Variants in GALNT13 observed in about 807,000 individuals in gnomAD.
GALNT13 encodes polypeptide N-acetylgalactosaminyltransferase 13.
A neutral mutation model predicts 64.2 loss-of-function variants in GALNT13; 28 were observed. The ratio of observed to expected loss-of-function variants is 0.44; its 90% confidence interval spans 0.32 to 0.60. GALNT13 has a LOEUF of 0.60. Among genes scored for constraint, GALNT13 ranks in the 20% least tolerant of loss-of-function variants. GALNT13 has a pLI of 0.05. For missense variants in GALNT13, 577 were observed against 669.8 expected (o/e 0.86, Z 1.53); for synonymous variants, 214 against 224.6 (o/e 0.95, Z 0.42).
intron 9 of GALNT13, among the ~76,000 whole-genome samples, chr2:154,373,281 T>G (rs2105315469): frequency 6.6e-6 from 1 of 152,242 alleles, no homozygotes; most frequent in East Asian, 1.9e-4. Context: ...AGTAACCAAA[T>G]TAAGTATAAG....
intron 7 of GALNT13, 123 bp from the exon 8 acceptor site, chr2:154,258,898 T>C (rs559047024): frequency 1.7e-6 from 1 of 585,784 alleles, no homozygotes; most frequent in East Asian, 3.1e-5. Context: ...ACCTTGACTT[T>C]GTGTTTTTAG....
chr2:153,567,206 T>C, the GALNT13 span, among the ~76,000 whole-genome samples: 2 of 152,190 alleles, frequency 1.3e-5, no homozygotes, highest in Non-Finnish European at 2.9e-5. Context: ...AAAAAATATA[T>C]ATTCTGTTCT....
At chr2:153,954,977 G>A (rs1234066362) in intron 3 of GALNT13, among the ~76,000 whole-genome samples, 2 of 151,792 alleles carry the variant, frequency 1.3e-5, no homozygotes, top group Non-Finnish European at 2.9e-5. Flanking sequence ...GAAAGAGGTG[G>A]CCACTGACTT....
the GALNT13 span, among the ~76,000 whole-genome samples, chr2:153,372,569 C>A: frequency 6.6e-6 from 1 of 151,784 alleles, no homozygotes; most frequent in Non-Finnish European, 1.5e-5. Context: ...TCACTTGAAC[C>A]AGGGGGGCAG....
intron 2 of GALNT13, among the ~76,000 whole-genome samples, chr2:153,907,060 G>A (rs992620861): frequency 6.6e-6 from 1 of 152,080 alleles, no homozygotes; most frequent in Non-Finnish European, 1.5e-5. Flanking sequence ...AGAAGTGTCT[G>A]TTCATATCCT....
intron 3 of GALNT13, among the ~76,000 whole-genome samples, chr2:154,021,481 C>CTCATGATT (rs1697487615): frequency 6.6e-6 from 1 of 152,160 alleles, no homozygotes; most frequent in Non-Finnish European, 1.5e-5. Flanking sequence ...TGGGAATTCA[C>CTCATGATT]TCATGATTTG....
At chr2:153,937,596 C>T (rs954744006) in intron 2 of GALNT13, among the ~76,000 whole-genome samples, 1 of 152,118 alleles carries the variant, frequency 6.6e-6, no homozygotes, top group Non-Finnish European at 1.5e-5. Context: ...GCATTGTATA[C>T]TTTAAATGAG....
intron 3 of GALNT13, among the ~76,000 whole-genome samples, chr2:154,069,681 ATAGT>A (rs1700644810): frequency 6.6e-6 from 1 of 152,090 alleles, no homozygotes; most frequent in Admixed American, 6.6e-5. Flanking sequence ...TAAAATTAGA[ATAGT>A]TAAATGACTA....
chr2:153,731,060 T>TTA, the GALNT13 span, among the ~76,000 whole-genome samples: 81 of 151,028 alleles, frequency 5.4e-4, no homozygotes, highest in Middle Eastern at 3.4e-3. Flanking sequence ...AAATAAACTA[T>TTA]TATATATATA....
At chr2:154,109,083 A>C (rs1201984464) in intron 3 of GALNT13, among the ~76,000 whole-genome samples, 1 of 152,126 alleles carries the variant, frequency 6.6e-6, no homozygotes, top group African/African-American at 2.4e-5. Flanking sequence ...ATATGATATT[A>C]GAATTTTGAT....
At chr2:154,175,670 A>T (rs902114091) in intron 4 of GALNT13, among the ~76,000 whole-genome samples, 6 of 152,166 alleles carry the variant, frequency 3.9e-5, no homozygotes, top group Non-Finnish European at 5.9e-5. Context: ...AATACCAAAA[A>T]ATATATATAT....
chr2:154,187,251 C>A (rs926624907), intron 4 of GALNT13, among the ~76,000 whole-genome samples: 2 of 151,934 alleles, frequency 1.3e-5, no homozygotes, highest in African/African-American at 4.8e-5. Flanking sequence ...ATGTTTTAGA[C>A]ACATAAATGC....
the GALNT13 span, among the ~76,000 whole-genome samples, chr2:153,623,160 G>A: frequency 6.6e-6 from 1 of 152,060 alleles, no homozygotes; most frequent in African/African-American, 2.4e-5. Flanking sequence ...TATGATATGA[G>A]TGAGTGGTTT....
intron 3 of GALNT13, among the ~76,000 whole-genome samples, chr2:154,046,822 A>G (rs1699314789): frequency 6.6e-6 from 1 of 152,148 alleles, no homozygotes; most frequent in Non-Finnish European, 1.5e-5. Flanking sequence ...GGCCTTCTGC[A>G]AGCCAATGAG....
the GALNT13 span, among the ~76,000 whole-genome samples, chr2:153,489,382 C>A: frequency 2.0e-4 from 31 of 152,172 alleles, no homozygotes; most frequent in Non-Finnish European, 4.3e-4. Context: ...ATTATAGTAG[C>A]ACAAAAGAGA....
At chr2:153,751,764 T>C in the GALNT13 span, among the ~76,000 whole-genome samples, 1 of 151,922 alleles carries the variant, frequency 6.6e-6, no homozygotes, top group Non-Finnish European at 1.5e-5. Context: ...CAATGGGTCT[T>C]GTTTTTTTTT....
chr2:154,116,715 A>G (rs7564373), intron 3 of GALNT13, among the ~76,000 whole-genome samples: 44,106 of 152,026 alleles, frequency 0.29, 6,721 homozygotes, highest in Non-Finnish European at 0.32. Flanking sequence ...AGTGTTCTCC[A>G]TACTATTAGA....
chr2:153,601,632 G>A, the GALNT13 span, among the ~76,000 whole-genome samples: 1 of 151,398 alleles, frequency 6.6e-6, no homozygotes, highest in African/African-American at 2.4e-5. Flanking sequence ...GGTTATAAAT[G>A]AAATGAAAGC....
chr2:153,089,587 CT>C, the GALNT13 span, among the ~76,000 whole-genome samples: 1 of 152,094 alleles, frequency 6.6e-6, no homozygotes, highest in Non-Finnish European at 1.5e-5. Context: ...TTTCATACTT[CT>C]CTTTTTCCTC....
Sources: gnomAD v4.1 joint callset for allele counts (sites outside exome capture counted in the v4.1 genomes callset) on GRCh38, gnomAD v4.1.1 for gene constraint, MANE v1.5 for transcripts, NCBI Gene and HGNC (gene_info 2026-07-23, HGNC 2026-07-21) for gene names.